The following CLYBL variants were observed in gnomAD, a reference collection of about 807,000 sequenced individuals.
CLYBL encodes the protein citramalyl-CoA lyase, also known as citramalyl-CoA lyase, mitochondrial.
A neutral mutation model predicts 38.9 loss-of-function variants in CLYBL; 31 were observed. That is an observed-to-expected ratio of 0.80 (90% CI 0.60 to 1.08). The LOEUF is 1.08. CLYBL is among the 50% of genes least tolerant of loss of function. The pLI, the probability that CLYBL is intolerant of heterozygous loss-of-function variation, is 0.00. For synonymous variants in CLYBL, 171 were observed against 158.6 expected, an observed-to-expected ratio of 1.08 and a Z score of -0.59; for missense variants, 434 against 411.6, an observed-to-expected ratio of 1.05 and a Z score of -0.47.
chr13:99,655,589 G>T (rs1225041522), intron 1 of CLYBL, among the ~76,000 whole-genome samples: 2 of 152,216 alleles, frequency 1.3e-5, no homozygotes, highest in Admixed American at 1.3e-4. Context: ...GCCTGGGGTG[G>T]CGTCCTCTTT....
At chr13:99,684,888 A>G (rs1298477885) in intron 1 of CLYBL, among the ~76,000 whole-genome samples, 1 of 152,226 alleles carries the variant, frequency 6.6e-6, no homozygotes, top group Non-Finnish European at 1.5e-5. Flanking sequence ...CTTCTTTTAT[A>G]AAGAAAACAA....
chr13:99,654,217 A>G (rs982571346), intron 1 of CLYBL, among the ~76,000 whole-genome samples: 2 of 152,176 alleles, frequency 1.3e-5, no homozygotes, highest in African/African-American at 2.4e-5. Flanking sequence ...AGGCTGGGAA[A>G]TGTTTTCCTT....
At chr13:99,775,967 TC>T (rs2049504612) in intron 2 of CLYBL, among the ~76,000 whole-genome samples, 1 of 151,646 alleles carries the variant, frequency 6.6e-6, no homozygotes, top group Non-Finnish European at 1.5e-5. Context: ...ATCAAGACCA[TC>T]CTGGCTAACA....
At chr13:99,681,741 G>C (rs1050570030) in intron 1 of CLYBL, among the ~76,000 whole-genome samples, 1 of 151,492 alleles carries the variant, frequency 6.6e-6, no homozygotes, top group Non-Finnish European at 1.5e-5. Flanking sequence ...CATGTGCCAC[G>C]ACGCCTGGTT....
intron 2 of CLYBL, among the ~76,000 whole-genome samples, chr13:99,852,740 C>G (rs150843328): frequency 3.3e-5 from 5 of 152,120 alleles, no homozygotes; most frequent in African/African-American, 1.2e-4. Context: ...CCCCCCTACA[C>G]TTTATTAAAA....
At chr13:99,876,953 C>T (rs1402902537) in intron 7 of CLYBL, among the ~76,000 whole-genome samples, 1 of 152,126 alleles carries the variant, frequency 6.6e-6, no homozygotes, top group Non-Finnish European at 1.5e-5. Context: ...AGGGTCTCCA[C>T]GTGCCGTTCC....
chr13:99,609,325 C>T (rs1010522741), intron 1 of CLYBL, among the ~76,000 whole-genome samples: 7 of 151,508 alleles, frequency 4.6e-5, no homozygotes, highest in African/African-American at 1.5e-4. Flanking sequence ...TACAGGCACG[C>T]GCCACCACGT....
chr13:99,799,104 G>A (rs2050079025), intron 2 of CLYBL, among the ~76,000 whole-genome samples: 2 of 152,110 alleles, frequency 1.3e-5, no homozygotes, highest in African/African-American at 4.8e-5. Context: ...CTTAGAGACC[G>A]TTTCTTTTTA....
intron 2 of CLYBL, among the ~76,000 whole-genome samples, chr13:99,823,186 C>T (rs893364545): frequency 7.2e-5 from 11 of 152,078 alleles, no homozygotes; most frequent in African/African-American, 1.2e-4. Flanking sequence ...GTTTACATTA[C>T]GATTCTTTGT....
At chr13:99,756,112 C>T (rs1273116698) in intron 1 of CLYBL, among the ~76,000 whole-genome samples, 1 of 152,188 alleles carries the variant, frequency 6.6e-6, no homozygotes, top group African/African-American at 2.4e-5. Context: ...GTGTTCACCC[C>T]ATTCTCACCC....
intron 2 of CLYBL, among the ~76,000 whole-genome samples, chr13:99,802,369 C>T (rs2050153333): frequency 6.6e-6 from 1 of 152,272 alleles, no homozygotes; most frequent in Middle Eastern, 3.4e-3. Flanking sequence ...TAATTCCAAA[C>T]TCTTTTTTGG....
chr13:99,856,929 T>A (rs1280552330), intron 2 of CLYBL, among the ~76,000 whole-genome samples: 1 of 151,372 alleles, frequency 6.6e-6, no homozygotes, highest in Non-Finnish European at 1.5e-5. Context: ...TGAGGCACCA[T>A]GCCCAGCCAG....
At chr13:99,656,097 A>C in intron 1 of CLYBL, among the ~76,000 whole-genome samples, 1 of 149,540 alleles carries the variant, frequency 6.7e-6, no homozygotes. Context: ...TGAGATTATC[A>C]CTCTTCCTGC....
intron 1 of CLYBL, among the ~76,000 whole-genome samples, chr13:99,669,006 C>CT (rs373579427): frequency 0.13 from 18,701 of 140,030 alleles, 1,625 homozygotes; most frequent in African/African-American, 0.25. Flanking sequence ...AGGCCCTCAG[C>CT]TTTTTTTTTT....
At chr13:99,857,449 T>C (rs2051488402) in intron 2 of CLYBL, among the ~76,000 whole-genome samples, 1 of 152,240 alleles carries the variant, frequency 6.6e-6, no homozygotes, top group African/African-American at 2.4e-5. Context: ...GCATCATCTC[T>C]GACTTTAGCT....
intron 1 of CLYBL, among the ~76,000 whole-genome samples, chr13:99,684,483 G>A (rs1429228866): frequency 6.6e-6 from 1 of 152,116 alleles, no homozygotes; most frequent in African/African-American, 2.4e-5. Flanking sequence ...AATTTAAATA[G>A]AAAAGCTGGA....
At chr13:99,875,720 T>TC (rs1222576568) in intron 7 of CLYBL, among the ~76,000 whole-genome samples, 10 of 152,164 alleles carry the variant, frequency 6.6e-5, no homozygotes, top group Non-Finnish European at 1.5e-4. Context: ...CAGTGTATCC[T>TC]CCCACACCCA....
chr13:99,630,099 G>T (rs555052871), intron 1 of CLYBL, among the ~76,000 whole-genome samples: 1 of 152,290 alleles, frequency 6.6e-6, no homozygotes, highest in South Asian at 2.1e-4. Flanking sequence ...GAGGATGGGG[G>T]CCTAAGCTGG....
At chr13:99,831,756 C>A in intron 2 of CLYBL, among the ~76,000 whole-genome samples, 1 of 149,270 alleles carries the variant, frequency 6.7e-6, no homozygotes. Context: ...ACACACGCTA[C>A]CAGAAAAAAA....
Sources: allele counts gnomAD v4.1 joint callset (sites outside exome capture counted in the v4.1 genomes callset), GRCh38; gene constraint gnomAD v4.1.1; transcripts MANE v1.5; gene names NCBI Gene and HGNC (gene_info 2026-07-23, HGNC 2026-07-21).